The following CFAP300 variants were observed in gnomAD, a reference collection of about 807,000 sequenced individuals.
CFAP300 encodes the protein cilia- and flagella-associated protein 300.
CFAP300 carries 32 observed loss-of-function variants against 33.0 expected under a neutral mutation model. The ratio of observed to expected loss-of-function variants is 0.97; its 90% CI spans 0.73 to 1.30. The LOEUF (loss-of-function observed/expected upper bound fraction) is 1.30. CFAP300 is among the 50% of genes most tolerant of loss of function. CFAP300 has a pLI of 0.00. For missense variants in CFAP300, 356 were observed against 318.1 expected (o/e 1.12, Z -0.90); for synonymous variants, 102 against 106.8 (o/e 0.95, Z 0.28).
At chr11:102,052,549 A>T (rs765751690) in intron 2 of CFAP300, among the ~76,000 whole-genome samples, 6 of 152,250 alleles carry the variant, frequency 3.9e-5, no homozygotes, top group Non-Finnish European at 7.3e-5. Context: ...CTTCACCACT[A>T]GAATGTAAAT....
intron 4 of CFAP300, among the ~76,000 whole-genome samples, chr11:102,069,610 C>T (rs1942279823): frequency 2.0e-5 from 3 of 151,978 alleles, no homozygotes; most frequent in Admixed American, 2.0e-4. Context: ...TAAGACTAGC[C>T]TGGCCAACAT....
chr11:102,060,467 A>C (rs892109718), intron 3 of CFAP300, among the ~76,000 whole-genome samples: 1 of 151,758 alleles, frequency 6.6e-6, no homozygotes, highest in African/African-American at 2.4e-5. Context: ...AAGAGCCAGA[A>C]ATTTTTTTTA....
intron 4 of CFAP300, 69 bp downstream of exon 4, chr11:102,066,720 T>C: frequency 4.9e-6 from 7 of 1,422,708 alleles, no homozygotes; most frequent in Non-Finnish European, 6.7e-6. Flanking sequence ...GCAAAAACTT[T>C]GCCTGCTTAA....
At chr11:102,066,709 G>A in intron 4 of CFAP300, 58 bp downstream of exon 4, 7 of 1,509,134 alleles carry the variant, frequency 4.6e-6, no homozygotes, top group Admixed American at 2.2e-5. Flanking sequence ...ATGCAAAAAT[G>A]GCAAAAACTT....
intron 4 of CFAP300, among the ~76,000 whole-genome samples, chr11:102,072,310 A>T (rs1369268073): frequency 6.6e-6 from 1 of 151,968 alleles, no homozygotes; most frequent in East Asian, 1.9e-4. Context: ...TGAATTATTC[A>T]GTTCTAGGAT....
Position 102,047,908 on chromosome 11 carries a change from G to C in CFAP300, c.192+12G>C. 1 of 1,613,608 alleles carries C rather than the reference G, an allele frequency of 6.2e-7. No homozygotes were observed. Among genetic ancestry groups the C allele is most frequent in the Non-Finnish European group, 8.5e-7 (1 of 1,179,694 alleles). ...ATGATTTCGTTATGGTTAGTATGGGGGTCGGAGAGTTCCCTGGGTCTCTGC... is the reference window on the plus strand; with the variant it reads ...ATGATTTCGTTATGGTTAGTATGGGCGTCGGAGAGTTCCCTGGGTCTCTGC... On this transcript the variant is annotated intron_variant, in intron 2 of 6. Transcript: ENST00000434758.
chr11:102,065,042 TACCTTCACTTAGAA>T (rs1942202018), intron 3 of CFAP300, among the ~76,000 whole-genome samples: 1 of 152,150 alleles, frequency 6.6e-6, no homozygotes, highest in South Asian at 2.1e-4. Flanking sequence ...ATTTGAAATT[TACCTTCACTTAGAA>T]ACCGTCTTTT....
rs144437369 is a variant in CFAP300, at chr11:102,064,013, C to G, written c.269-2472C>G. On this transcript the variant is annotated intron_variant, in intron 3 of 6. Transcript: ENST00000434758. The stretch of plus-strand genomic sequence containing the variant: ...ACCTCATTGAAACCCAATTATTTCC[C>G]AAAGGCCCCATCTCCAACTACCATC... Among the ~76,000 whole-genome samples the G allele has an allele frequency of 3.4e-3, 521 of 152,184 alleles. 3 individuals are homozygous for G. The highest frequency in any genetic ancestry group is 0.012 in the African/African-American group (497 of 41,514).
rs1942469211 is a variant in CFAP300 at position 102,081,282 on chromosome 11, G to A, written c.675+1G>A. ...TTCTGTCTTTAAAGTTTCAGCTTAT[G>A]TAAGTGTGAGAGAACTTTTGCAACC... On this transcript the variant is annotated splice_donor_variant, in intron 6 of 6. Coordinates refer to ENST00000434758, the MANE Select transcript of CFAP300 (RefSeq NM_032930.3). LOFTEE classifies it high-confidence loss of function. 1.2e-6 allele frequency: 2 copies of A among 1,611,250 alleles called. No individual in the cohort carries two copies. Among genetic ancestry groups the A allele is most frequent in the Admixed American group, 1.7e-5 (1 of 59,940 alleles).
intron 4 of CFAP300, among the ~76,000 whole-genome samples, chr11:102,066,913 A>G (rs929307011): frequency 6.6e-6 from 1 of 152,258 alleles, no homozygotes; most frequent in Admixed American, 6.5e-5. Flanking sequence ...GAAACGTCAT[A>G]TAACTCACAG....
intron 3 of CFAP300, among the ~76,000 whole-genome samples, chr11:102,062,572 T>C (rs1384552961): frequency 6.6e-6 from 1 of 152,186 alleles, no homozygotes; most frequent in South Asian, 2.1e-4. Flanking sequence ...AGTGATGAAA[T>C]TGGAGATTTA....
chr11:102,080,714 A>C (rs1942461720), intron 5 of CFAP300, among the ~76,000 whole-genome samples: 1 of 152,142 alleles, frequency 6.6e-6, no homozygotes. Flanking sequence ...AATAGTTTTT[A>C]TATACATTAT....
chr11:102,071,054 T>A (rs377203392), intron 4 of CFAP300, among the ~76,000 whole-genome samples: 1 of 152,324 alleles, frequency 6.6e-6, no homozygotes, highest in East Asian at 1.9e-4. Flanking sequence ...GTCTATTTGG[T>A]CTAGAGTGCA....
At chr11:102,082,244 G>A (rs1942484357) in intron 6 of CFAP300, among the ~76,000 whole-genome samples, 1 of 151,692 alleles carries the variant, frequency 6.6e-6, no homozygotes, top group South Asian at 2.1e-4. Flanking sequence ...GGTGTGGTGG[G>A]AGACGCCTGT....
At chr11:102,076,431 G>C (rs1278087847) in intron 5 of CFAP300, among the ~76,000 whole-genome samples, 2 of 152,104 alleles carry the variant, frequency 1.3e-5, no homozygotes, top group Non-Finnish European at 2.9e-5. Flanking sequence ...TATTACCTTT[G>C]TTCCAAAGAA....
intron 2 of CFAP300, among the ~76,000 whole-genome samples, chr11:102,052,561 C>T (rs1941987432): frequency 1.3e-5 from 2 of 152,134 alleles, no homozygotes; most frequent in South Asian, 4.1e-4. Context: ...AATGTAAATT[C>T]CATAAGAACA....
At chr11:102,071,344 A>G (rs1288699474) in intron 4 of CFAP300, among the ~76,000 whole-genome samples, 1 of 152,168 alleles carries the variant, frequency 6.6e-6, no homozygotes, top group African/African-American at 2.4e-5. Flanking sequence ...GCTATGGGCA[A>G]CATATAGTTA....
rs12804542 is a variant in CFAP300 at position 102,047,596 on chromosome 11, A to G, written c.110+16A>G. On this transcript the variant is annotated intron_variant, in intron 1 of 6. Transcript: ENST00000434758. ...TCCGCCAGTGGTGAGGAACCGAGGC[A>G]CAGGGAGAGAAGAGGCCCTTGGTCT... 1,487,938 of 1,533,484 alleles carry G rather than the reference A, an allele frequency of 0.97. 721,938 individuals are homozygous for G. Among genetic ancestry groups the G allele is most frequent in the East Asian group, 1 (40,870 of 40,874 alleles). 95.0% of individuals were successfully genotyped at this position (1,533,484 alleles called of 1,614,324 possible). A position where few individuals can be genotyped will look rare whatever the true frequency, so the allele number is the denominator to read the frequency against.
chr11:102,083,179 G>A lies in CFAP300; in HGVS notation c.784G>A (p.Gly262Ser), dbSNP rs759681207. The change falls in exon 7 of 7, where the codon GGT (glycine) becomes AGT (serine). Residue 262 changes from glycine (G) to serine (S), a missense_variant. Gly to Ser is a moderately conservative substitution (Grantham distance 56). Transcript: ENST00000434758. ...RHLHVLYHCYGVGDMS is the reference protein window; with the variant it reads ...RHLHVLYHCYSVGDMS Reference sequence around the variant, plus strand: ...CCTTCATGTTTTATACCACTGTTATGGTGTGGGAGACATGTCTTAATGTTC... The same window carrying A: ...CCTTCATGTTTTATACCACTGTTATAGTGTGGGAGACATGTCTTAATGTTC... 3.3e-6 allele frequency: 5 copies of A among 1,523,866 alleles called. No homozygotes were observed. In the South Asian group the frequency reaches 6.7e-5, roughly 20 times the overall value. 94.4% of individuals were successfully genotyped at this position (1,523,866 alleles called of 1,614,324 possible).
Sources: gnomAD v4.1 joint callset for allele counts (sites outside exome capture counted in the v4.1 genomes callset) on GRCh38, gnomAD v4.1.1 for gene constraint, MANE v1.5 for transcripts, NCBI Gene and HGNC (gene_info 2026-07-23, HGNC 2026-07-21) for gene names.